Variants in NCKAP1 observed in about 807,000 individuals in gnomAD.
NCKAP1 encodes the protein nck-associated protein 1.
Under a neutral mutation model 151.2 loss-of-function variants are expected in NCKAP1, and 21 were observed. The ratio of observed to expected loss-of-function variants is 0.14; its 90% CI spans 0.10 to 0.20. NCKAP1 has a LOEUF of 0.20. Ranked by LOEUF, NCKAP1 falls within the 10% of genes least tolerant of loss-of-function variation. The pLI, the probability that NCKAP1 is intolerant of heterozygous loss-of-function variation, is 1.00. For synonymous variants in NCKAP1, 484 were observed against 451.8 expected, an observed-to-expected ratio of 1.07 and a Z score of -0.90; for missense variants, 933 against 1,352.1, an observed-to-expected ratio of 0.69 and a Z score of 4.86.
chr2:183,001,723 A>G (rs1329000533), intron 6 of NCKAP1, among the ~76,000 whole-genome samples: 1 of 152,192 alleles, frequency 6.6e-6, no homozygotes, highest in African/African-American at 2.4e-5. Context: ...GTGCTATATT[A>G]AAATCTAAAA....
chr2:182,960,733 G>A (rs1238669285), intron 18 of NCKAP1, among the ~76,000 whole-genome samples: 1 of 152,106 alleles, frequency 6.6e-6, no homozygotes, highest in African/African-American at 2.4e-5. Context: ...TTGACAAATG[G>A]GATCTAATTA....
chr2:182,959,359 CAAGA>C (rs200600297), intron 18 of NCKAP1, among the ~76,000 whole-genome samples: 2,199 of 152,172 alleles, frequency 0.014, 54 homozygotes, highest in African/African-American at 0.05. Flanking sequence ...CACCAGATAA[CAAGA>C]AAGCTCTCAA....
chr2:182,988,241 C>T (rs1011100234), intron 9 of NCKAP1, among the ~76,000 whole-genome samples: 5 of 152,116 alleles, frequency 3.3e-5, no homozygotes, highest in Non-Finnish European at 7.4e-5. Context: ...TATACACATA[C>T]ATTAAAATAT....
rs2105789044 is a variant in NCKAP1, at chr2:182,918,062, C to CA, written c.*7639dup. The stretch of plus-strand genomic sequence containing the variant: ...ATCCTAGAGCCTTAGGTTTTAATCT[C>CA]AGCACTGCCACTCAAACTCAGTAAT... On this transcript the variant is annotated 3_prime_UTR_variant, in exon 31 of 31. Transcript: ENST00000361354. 1 of 152,290 alleles carries CA rather than the reference C, an allele frequency of 6.6e-6. No homozygotes were observed. The highest frequency in any genetic ancestry group is 2.4e-5 in the African/African-American group (1 of 41,562). 9.4% of individuals were successfully genotyped at this position (152,290 alleles called of 1,614,324 possible).
At chr2:182,941,516 A>G (rs1029954762) in intron 24 of NCKAP1, among the ~76,000 whole-genome samples, 1 of 152,244 alleles carries the variant, frequency 6.6e-6, no homozygotes, top group Non-Finnish European at 1.5e-5. Flanking sequence ...AGTGACAGAA[A>G]TAAGATCAGT....
intron 24 of NCKAP1, among the ~76,000 whole-genome samples, chr2:182,938,107 T>TA: frequency 6.6e-6 from 1 of 152,206 alleles, no homozygotes; most frequent in Non-Finnish European, 1.5e-5. Context: ...TTTACATGCT[T>TA]AACAAATTCC....
intron 24 of NCKAP1, among the ~76,000 whole-genome samples, chr2:182,938,536 C>T (rs565220502): frequency 2.0e-5 from 3 of 152,210 alleles, no homozygotes; most frequent in South Asian, 2.1e-4. Context: ...TATTACAGCA[C>T]ACCAAGAGTG....
intron 24 of NCKAP1, among the ~76,000 whole-genome samples, chr2:182,937,383 C>T (rs2105806902): frequency 6.6e-6 from 1 of 152,184 alleles, no homozygotes; most frequent in Middle Eastern, 3.4e-3. Context: ...TCCCTTCACC[C>T]CACATAACAT....
intron 15 of NCKAP1, among the ~76,000 whole-genome samples, chr2:182,973,624 C>T (rs1433607637): frequency 6.6e-6 from 1 of 152,158 alleles, no homozygotes; most frequent in Non-Finnish European, 1.5e-5. Context: ...TTCTGGTCTG[C>T]TCTACTCAAC....
intron 24 of NCKAP1, among the ~76,000 whole-genome samples, chr2:182,938,141 T>C (rs915001901): frequency 6.6e-6 from 1 of 152,220 alleles, no homozygotes; most frequent in African/African-American, 2.4e-5. Context: ...TACATGTCCC[T>C]GGGTTATACT....
chr2:183,025,694 A>C (rs1383842424), intron 1 of NCKAP1, among the ~76,000 whole-genome samples: 1 of 152,196 alleles, frequency 6.6e-6, no homozygotes, highest in Non-Finnish European at 1.5e-5. Context: ...ATATTCTTAA[A>C]ATCTTCCAAT....
chr2:183,012,483 C>T (rs2105885132), intron 2 of NCKAP1, among the ~76,000 whole-genome samples: 1 of 152,270 alleles, frequency 6.6e-6, no homozygotes, highest in African/African-American at 2.4e-5. Flanking sequence ...GATTTGGAGA[C>T]AAAGTGAGGT....
intron 15 of NCKAP1, among the ~76,000 whole-genome samples, chr2:182,973,534 C>T (rs6720478): frequency 6.6e-6 from 1 of 152,018 alleles, no homozygotes; most frequent in Non-Finnish European, 1.5e-5. Context: ...TATAAAAAAG[C>T]AATGACCTTA....
At chr2:182,954,805 AT>A (rs1431954021) in intron 20 of NCKAP1, among the ~76,000 whole-genome samples, 1 of 151,336 alleles carries the variant, frequency 6.6e-6, no homozygotes, top group Admixed American at 6.6e-5. Flanking sequence ...AAATAAATAA[AT>A]TAAATAAAAT....
At chr2:183,025,131 A>G in intron 1 of NCKAP1, 1 of 785,978 alleles carries the variant, frequency 1.3e-6, no homozygotes, top group Non-Finnish European at 2.0e-6. Flanking sequence ...ATATGGTGCT[A>G]CAATTTTAAA....
chr2:182,935,134 T>G (rs116443097), intron 25 of NCKAP1, 159 bp downstream of exon 25: 3 of 627,776 alleles, frequency 4.8e-6, no homozygotes, highest in African/African-American at 3.8e-5. Context: ...AAAAATGAGC[T>G]TAAATAACTA....
intron 15 of NCKAP1, among the ~76,000 whole-genome samples, chr2:182,968,107 C>A (rs1299529754): frequency 1.3e-5 from 2 of 152,144 alleles, no homozygotes; most frequent in Non-Finnish European, 2.9e-5. Flanking sequence ...AGATGGTGAA[C>A]AGCCTGTATA....
intron 18 of NCKAP1, among the ~76,000 whole-genome samples, chr2:182,961,553 G>C (rs1017857835): frequency 3.3e-5 from 5 of 152,064 alleles, no homozygotes; most frequent in Admixed American, 3.3e-4. Context: ...CACAGGAAGG[G>C]GAACATCACA....
chr2:183,011,782 T>A (rs780545463), intron 2 of NCKAP1, among the ~76,000 whole-genome samples: 1 of 152,236 alleles, frequency 6.6e-6, no homozygotes, highest in East Asian at 1.9e-4. Context: ...AGAAGTGGAA[T>A]TGCTTTCTTC....
Sources: allele counts gnomAD v4.1 joint callset (sites outside exome capture counted in the v4.1 genomes callset), GRCh38; gene constraint gnomAD v4.1.1; transcripts MANE v1.5; gene names NCBI Gene and HGNC (gene_info 2026-07-23, HGNC 2026-07-21).